Variants in ADGRL2 observed in about 807,000 individuals in gnomAD.
ADGRL2 encodes adhesion G protein-coupled receptor L2.
Under a neutral mutation model 157.4 loss-of-function variants are expected in ADGRL2, and 44 were observed. The ratio of observed to expected loss-of-function variants is 0.28; its 90% CI spans 0.22 to 0.36. The LOEUF (loss-of-function observed/expected upper bound fraction) is 0.36, where lower values mean the gene tolerates loss of function less well. Among genes scored for constraint, ADGRL2 ranks in the 10% least tolerant of loss-of-function variants. The probability of loss-of-function intolerance (pLI) is 1.00; values close to 1 mark genes in which losing one functional copy is unlikely to be tolerated. For missense variants in ADGRL2, 1,510 were observed against 1,768.9 expected, an observed-to-expected ratio of 0.85 and a Z score of 2.63; for synonymous variants, 585 against 624.7, an observed-to-expected ratio of 0.94 and a Z score of 0.95.
At chr1:81,931,330 G>A (rs151306363) in intron 3 of ADGRL2, among the ~76,000 whole-genome samples, 25 of 152,230 alleles carry the variant, frequency 1.6e-4, no homozygotes, top group African/African-American at 5.5e-4. Context: ...ATATTAAAAG[G>A]TTTTATTATT....
chr1:81,415,210 T>C (rs1474710572), intron 1 of ADGRL2, among the ~76,000 whole-genome samples: 1 of 152,228 alleles, frequency 6.6e-6, no homozygotes, highest in Non-Finnish European at 1.5e-5. Flanking sequence ...TTTGTCTTTG[T>C]TTATATGTTG....
chr1:81,926,163 G>A (rs534572642), intron 3 of ADGRL2, among the ~76,000 whole-genome samples: 3 of 152,038 alleles, frequency 2.0e-5, no homozygotes, highest in South Asian at 4.1e-4. Flanking sequence ...AATTACAAAC[G>A]GAAAGGATTT....
intron 1 of ADGRL2, among the ~76,000 whole-genome samples, chr1:81,407,601 A>C (rs879628361): frequency 6.6e-6 from 1 of 152,242 alleles, no homozygotes; most frequent in African/African-American, 2.4e-5. Flanking sequence ...CTTTTATTTA[A>C]GGGTGAACAC....
chr1:81,475,515 T>C (rs545545089), intron 2 of ADGRL2, among the ~76,000 whole-genome samples: 1 of 152,310 alleles, frequency 6.6e-6, no homozygotes, highest in East Asian at 1.9e-4. Context: ...TAGGAATACC[T>C]ATTTTACTAT....
chr1:81,357,295 C>A (rs957923374), intron 1 of ADGRL2, among the ~76,000 whole-genome samples: 2 of 152,134 alleles, frequency 1.3e-5, no homozygotes, highest in Non-Finnish European at 2.9e-5. Flanking sequence ...CTCCCAGATT[C>A]CCTCTCTCTT....
At chr1:81,539,719 A>T (rs77985313) in intron 2 of ADGRL2, among the ~76,000 whole-genome samples, 1 of 152,026 alleles carries the variant, frequency 6.6e-6, no homozygotes, top group East Asian at 1.9e-4. Context: ...TTGCTCCGTC[A>T]TTCTCAATTT....
chr1:81,569,427 T>C (rs964829566), intron 2 of ADGRL2, among the ~76,000 whole-genome samples: 9 of 152,206 alleles, frequency 5.9e-5, no homozygotes, highest in Non-Finnish European at 4.4e-5. Context: ...AGTAAACTTT[T>C]ATTACCATAG....
chr1:81,941,193 A>G (rs1647826620), intron 4 of ADGRL2, among the ~76,000 whole-genome samples: 1 of 150,666 alleles, frequency 6.6e-6, no homozygotes, highest in Non-Finnish European at 1.5e-5. Context: ...TTTTTTATAG[A>G]CTTAGTATTA....
intron 3 of ADGRL2, among the ~76,000 whole-genome samples, chr1:81,916,812 T>G (rs1028463037): frequency 2.0e-5 from 3 of 152,006 alleles, no homozygotes; most frequent in Non-Finnish European, 2.9e-5. Context: ...TAAGGAGATA[T>G]CTAAATAAAT....
At chr1:81,588,095 CA>C (rs113737725) in intron 3 of ADGRL2, among the ~76,000 whole-genome samples, 3,573 of 152,160 alleles carry the variant, frequency 0.023, 113 homozygotes, top group African/African-American at 0.082. Flanking sequence ...TAGGCAGAAG[CA>C]GGGAAGAAGG....
chr1:81,459,483 A>G (rs1040465015), intron 2 of ADGRL2, among the ~76,000 whole-genome samples: 1 of 152,166 alleles, frequency 6.6e-6, no homozygotes, highest in Non-Finnish European at 1.5e-5. Context: ...CATCCATGTC[A>G]CATATTGCAG....
At chr1:81,376,464 A>T (rs1452889904) in intron 1 of ADGRL2, among the ~76,000 whole-genome samples, 1 of 152,206 alleles carries the variant, frequency 6.6e-6, no homozygotes. Context: ...CACAATGGTG[A>T]TATAACCTGG....
chr1:81,774,136 G>T (rs944776231), intron 2 of ADGRL2, among the ~76,000 whole-genome samples: 4 of 150,960 alleles, frequency 2.6e-5, no homozygotes, highest in Admixed American at 2.0e-4. Flanking sequence ...ATTTGTTATG[G>T]CAGCCCTAGC....
At chr1:81,917,840 A>T (rs1180431547) in intron 3 of ADGRL2, among the ~76,000 whole-genome samples, 2 of 131,220 alleles carry the variant, frequency 1.5e-5, no homozygotes, top group Admixed American at 7.6e-5. Context: ...GTCTCTAAAG[A>T]TAGATTCATG....
At chr1:81,422,881 A>G (rs2077150282) in intron 1 of ADGRL2, among the ~76,000 whole-genome samples, 1 of 152,252 alleles carries the variant, frequency 6.6e-6, no homozygotes, top group Non-Finnish European at 1.5e-5. Context: ...GTCCCAAAAC[A>G]TACACAATGT....
At chr1:81,832,471 G>T (rs1857104) in intron 1 of ADGRL2, among the ~76,000 whole-genome samples, 1 of 152,008 alleles carries the variant, frequency 6.6e-6, no homozygotes. Flanking sequence ...AGAGTCCTCA[G>T]GCAGTTTTTT....
intron 16 of ADGRL2, among the ~76,000 whole-genome samples, chr1:81,971,060 G>T (rs1174449845): frequency 6.6e-6 from 1 of 152,140 alleles, no homozygotes; most frequent in African/African-American, 2.4e-5. Context: ...TTTACAGAAA[G>T]TGACAGAAGG....
chr1:81,796,136 G>A (rs1242209145), upstream of ADGRL2, among the ~76,000 whole-genome samples: 4 of 152,000 alleles, frequency 2.6e-5, no homozygotes, highest in Admixed American at 6.6e-5. Context: ...GATTATAGGC[G>A]CCTGCCACCG....
intron 1 of ADGRL2, among the ~76,000 whole-genome samples, chr1:81,814,721 A>T (rs1467574795): frequency 6.6e-6 from 1 of 151,552 alleles, no homozygotes; most frequent in Non-Finnish European, 1.5e-5. Flanking sequence ...TATTTAATAA[A>T]GATTTTCTCA....
Sources: allele counts gnomAD v4.1 joint callset (sites outside exome capture counted in the v4.1 genomes callset), GRCh38; gene constraint gnomAD v4.1.1; transcripts MANE v1.5; gene names NCBI Gene and HGNC (gene_info 2026-07-23, HGNC 2026-07-21).